The following AGBL1 variants were observed in gnomAD, a reference collection of about 807,000 sequenced individuals.
The protein encoded by AGBL1 is AGBL carboxypeptidase 1.
In AGBL1, 130 loss-of-function variants were observed where a neutral mutation model predicts 118.9. The ratio of observed to expected loss-of-function variants is 1.09; its 90% confidence interval spans 0.95 to 1.26. The LOEUF (loss-of-function observed/expected upper bound fraction) is 1.26. Among genes scored for constraint, AGBL1 ranks in the 50% most tolerant of loss-of-function variants. The probability of loss-of-function intolerance (pLI) is 0.00; values close to 1 mark genes in which losing one functional copy is unlikely to be tolerated. For synonymous variants in AGBL1, 555 were observed against 478.9 expected (o/e 1.16, Z -2.08); for missense variants, 1,584 against 1,298.1 (o/e 1.22, Z -3.38).
intron 18 of AGBL1, among the ~76,000 whole-genome samples, chr15:86,481,066 A>G (rs534770985): frequency 2.3e-4 from 35 of 151,932 alleles, no homozygotes; most frequent in African/African-American, 7.5e-4. Context: ...CAAAAGAGGA[A>G]GAAGAGGAAT....
At chr15:86,985,624 A>T (rs939691041) in intron 23 of AGBL1, among the ~76,000 whole-genome samples, 3 of 150,444 alleles carry the variant, frequency 2.0e-5, no homozygotes. Context: ...TTTTGTTCCA[A>T]TTTTTTTTTT....
intron 21 of AGBL1, among the ~76,000 whole-genome samples, chr15:86,561,755 T>C (rs2083825052): frequency 6.6e-6 from 1 of 152,222 alleles, no homozygotes; most frequent in Admixed American, 6.5e-5. Flanking sequence ...AATATGGCCA[T>C]TTTCATGACA....
At chr15:86,292,426 A>G (rs2079562168) in intron 16 of AGBL1, among the ~76,000 whole-genome samples, 1 of 152,170 alleles carries the variant, frequency 6.6e-6, no homozygotes, top group East Asian at 1.9e-4. Context: ...ATGCAGCCCT[A>G]CTGACACCTT....
intron 22 of AGBL1, among the ~76,000 whole-genome samples, chr15:86,891,741 AC>A (rs1458479105): frequency 1.3e-5 from 2 of 152,122 alleles, no homozygotes; most frequent in African/African-American, 4.8e-5. Flanking sequence ...TGATTTTGAT[AC>A]CTATACGAAT....
chr15:86,858,229 T>C (rs747562285), intron 22 of AGBL1, among the ~76,000 whole-genome samples: 5 of 152,062 alleles, frequency 3.3e-5, no homozygotes, highest in Admixed American at 6.6e-5. Context: ...GGAATGGAAA[T>C]AAATAATTGC....
At chr15:86,773,671 A>G (rs550534156) in intron 22 of AGBL1, among the ~76,000 whole-genome samples, 9 of 152,002 alleles carry the variant, frequency 5.9e-5, no homozygotes, top group Admixed American at 3.3e-4. Flanking sequence ...GTGGATGTCA[A>G]TACAATTAGC....
At chr15:87,031,267 C>G (rs2081779851), downstream of AGBL1, among the ~76,000 whole-genome samples, 2 of 151,634 alleles carry the variant, frequency 1.3e-5, no homozygotes, top group Non-Finnish European at 2.9e-5. Context: ...CCTGATGTAA[C>G]CATAATTACA....
chr15:86,322,704 A>G (rs1042132890), intron 17 of AGBL1, among the ~76,000 whole-genome samples: 22 of 152,238 alleles, frequency 1.4e-4, no homozygotes, highest in African/African-American at 5.1e-4. Flanking sequence ...TCTGCTAGTC[A>G]CCCAGCAGCA....
At chr15:86,704,249 A>C (rs1216918553) in intron 22 of AGBL1, among the ~76,000 whole-genome samples, 1 of 152,196 alleles carries the variant, frequency 6.6e-6, no homozygotes, top group African/African-American at 2.4e-5. Flanking sequence ...TGACTAAAAC[A>C]CCAAAAGCAA....
chr15:86,982,083 C>T (rs2081236628), intron 23 of AGBL1, among the ~76,000 whole-genome samples: 1 of 152,012 alleles, frequency 6.6e-6, no homozygotes, highest in South Asian at 2.1e-4. Context: ...CGATGAAGGC[C>T]CCAGGTACCT....
intron 22 of AGBL1, among the ~76,000 whole-genome samples, chr15:86,763,310 G>T (rs1018238107): frequency 2.6e-5 from 4 of 151,930 alleles, no homozygotes; most frequent in African/African-American, 7.2e-5. Context: ...TTATTTGTGG[G>T]TTCTCAGGAT....
At chr15:86,180,195 T>C (rs1411242911) in intron 5 of AGBL1, among the ~76,000 whole-genome samples, 2 of 151,958 alleles carry the variant, frequency 1.3e-5, no homozygotes, top group Non-Finnish European at 2.9e-5. Flanking sequence ...AACTGATACA[T>C]TGATTATAAA....
intron 22 of AGBL1, among the ~76,000 whole-genome samples, chr15:86,730,990 G>A (rs1408181490): frequency 6.6e-6 from 1 of 151,946 alleles, no homozygotes; most frequent in African/African-American, 2.4e-5. Flanking sequence ...ACCATGCCAA[G>A]CTAATTTTTT....
At chr15:86,177,354 T>C (rs1597497855) in intron 5 of AGBL1, among the ~76,000 whole-genome samples, 1 of 152,130 alleles carries the variant, frequency 6.6e-6, no homozygotes, top group South Asian at 2.1e-4. Flanking sequence ...TAGTTGGAGA[T>C]TTTAATAACC....
rs2079071541 is a variant in AGBL1, at chr15:86,266,379, G to A, written c.1673G>A (p.Arg558Lys). 2 of 1,575,022 alleles carry A rather than the reference G, an allele frequency of 1.3e-6. No homozygotes were observed. The highest frequency in any genetic ancestry group is 1.7e-6 in the Non-Finnish European group (2 of 1,158,324). Reference protein sequence around the residue: ...LERKCGVQRIRIFEDIRRLIQ... With the variant: ...LERKCGVQRIKIFEDIRRLIQ... ...TTTTCAATTTTCTTTTTCAGGATCAGGATATTTGAGGATATTCGGAGGCTC... is the reference window on the plus strand; with the variant it reads ...TTTTCAATTTTCTTTTTCAGGATCAAGATATTTGAGGATATTCGGAGGCTC... Residue 558 changes from arginine to lysine, a missense_variant, in exon 12 of 23, where the codon AGG (arginine) becomes AAG (lysine). By Grantham distance (26) the Arg-to-Lys change is conservative. Transcript: ENST00000614907.
At chr15:86,436,369 A>G (rs1288252713) in intron 18 of AGBL1, among the ~76,000 whole-genome samples, 1 of 151,900 alleles carries the variant, frequency 6.6e-6, no homozygotes, top group African/African-American at 2.4e-5. Context: ...GTAAATGTGG[A>G]GAATGATAAA....
At chr15:86,182,357 GT>G (rs1033182396) in intron 5 of AGBL1, among the ~76,000 whole-genome samples, 1 of 151,380 alleles carries the variant, frequency 6.6e-6, no homozygotes, top group Non-Finnish European at 1.5e-5. Flanking sequence ...CCTTGTGTTT[GT>G]TTACAACCTG....
intron 22 of AGBL1, among the ~76,000 whole-genome samples, chr15:86,830,668 A>C (rs1256998973): frequency 6.6e-6 from 1 of 152,156 alleles, no homozygotes; most frequent in African/African-American, 2.4e-5. Flanking sequence ...ACGTAGCTCC[A>C]TTTATTTAAA....
intron 21 of AGBL1, among the ~76,000 whole-genome samples, chr15:86,636,254 A>G (rs2085080723): frequency 6.6e-6 from 1 of 152,170 alleles, no homozygotes; most frequent in African/African-American, 2.4e-5. Context: ...CCTGTTAGCA[A>G]GGGCCCATGA....
Sources: allele counts gnomAD v4.1 joint callset (sites outside exome capture counted in the v4.1 genomes callset), GRCh38; gene constraint gnomAD v4.1.1; transcripts MANE v1.5; gene names NCBI Gene and HGNC (gene_info 2026-07-23, HGNC 2026-07-21).